AGBL4: variants seen among roughly 807,000 people sequenced by gnomAD.
AGBL4 encodes AGBL carboxypeptidase 4.
In AGBL4, 58 loss-of-function variants were observed where a neutral mutation model predicts 66.4. The ratio of observed to expected loss-of-function variants is 0.87; its 90% confidence interval spans 0.71 to 1.09. The LOEUF (loss-of-function observed/expected upper bound fraction) is 1.09. Ranked by LOEUF, AGBL4 falls within the 50% of genes least tolerant of loss-of-function variation. The pLI is 0.00. For missense variants in AGBL4, 579 were observed against 631.0 expected (o/e 0.92, Z 0.88); for synonymous variants, 234 against 222.9 (o/e 1.05, Z -0.44).
chr1:48,640,664 T>A (rs1645740177), intron 8 of AGBL4, among the ~76,000 whole-genome samples: 1 of 152,128 alleles, frequency 6.6e-6, no homozygotes, highest in Non-Finnish European at 1.5e-5. Flanking sequence ...TGAACCCAGG[T>A]CTTGTTGATG....
At chr1:49,094,559 C>G (rs1469463762) in intron 4 of AGBL4, among the ~76,000 whole-genome samples, 2 of 152,066 alleles carry the variant, frequency 1.3e-5, no homozygotes, top group Non-Finnish European at 2.9e-5. Flanking sequence ...GGTGGATAAG[C>G]TTTTTGATGT....
At chr1:50,001,482 T>C (rs74081130) in intron 1 of AGBL4, among the ~76,000 whole-genome samples, 1 of 145,296 alleles carries the variant, frequency 6.9e-6, no homozygotes, top group Non-Finnish European at 1.5e-5. Flanking sequence ...TGTGTCTATA[T>C]ATACATATAT....
intron 4 of AGBL4, among the ~76,000 whole-genome samples, chr1:49,117,545 T>C (rs542541339): frequency 6.6e-6 from 1 of 152,300 alleles, no homozygotes; most frequent in South Asian, 2.1e-4. Context: ...TGTGGTGTTA[T>C]TTCTGAGGCC....
chr1:49,029,851 T>C (rs1664062247), intron 5 of AGBL4, among the ~76,000 whole-genome samples: 1 of 152,148 alleles, frequency 6.6e-6, no homozygotes, highest in Admixed American at 6.6e-5. Context: ...AGAATGTAAC[T>C]GAAAGTCCAG....
intron 3 of AGBL4, among the ~76,000 whole-genome samples, chr1:49,556,251 C>G (rs972254896): frequency 2.0e-5 from 3 of 151,908 alleles, no homozygotes; most frequent in African/African-American, 7.3e-5. Flanking sequence ...AAGCTGGAAA[C>G]CATCATTCTC....
intron 1 of AGBL4, among the ~76,000 whole-genome samples, chr1:49,859,485 T>C (rs1480196177): frequency 6.6e-6 from 1 of 152,174 alleles, no homozygotes; most frequent in Non-Finnish European, 1.5e-5. Context: ...AAAATCTATA[T>C]GATCATCTCA....
intron 3 of AGBL4, among the ~76,000 whole-genome samples, chr1:49,447,944 C>T (rs1181915037): frequency 6.6e-6 from 1 of 152,018 alleles, no homozygotes; most frequent in Non-Finnish European, 1.5e-5. Flanking sequence ...CCATCTTGAA[C>T]TGTGATCTAG....
At chr1:48,575,542 C>T (rs1345051086) in intron 11 of AGBL4, among the ~76,000 whole-genome samples, 3 of 152,156 alleles carry the variant, frequency 2.0e-5, no homozygotes, top group African/African-American at 7.2e-5. Context: ...TTCCCATAGC[C>T]TTCTCCGGCC....
chr1:49,100,363 G>A (rs539845916), intron 4 of AGBL4, among the ~76,000 whole-genome samples: 4 of 152,134 alleles, frequency 2.6e-5, no homozygotes, highest in Admixed American at 1.3e-4. Context: ...GTACCTCTCC[G>A]TATATGAAGC....
chr1:48,852,687 G>A (rs1471371935), intron 6 of AGBL4, among the ~76,000 whole-genome samples: 3 of 152,200 alleles, frequency 2.0e-5, no homozygotes, highest in African/African-American at 7.2e-5. Context: ...GTTAGGATAG[G>A]AAGGTGTAGA....
At chr1:49,999,761 T>C (rs1660616185) in intron 1 of AGBL4, among the ~76,000 whole-genome samples, 1 of 151,880 alleles carries the variant, frequency 6.6e-6, no homozygotes, top group African/African-American at 2.4e-5. Flanking sequence ...AACCCAGAAA[T>C]AAATCCATAT....
chr1:49,323,239 A>G (rs913822649), intron 3 of AGBL4, among the ~76,000 whole-genome samples: 2 of 151,972 alleles, frequency 1.3e-5, no homozygotes, highest in African/African-American at 4.8e-5. Context: ...CACACACCCT[A>G]TGTTCTAGAG....
At chr1:49,614,639 G>A (rs1645217656) in intron 3 of AGBL4, among the ~76,000 whole-genome samples, 1 of 152,054 alleles carries the variant, frequency 6.6e-6, no homozygotes, top group Non-Finnish European at 1.5e-5. Flanking sequence ...TCCAAAAGCA[G>A]TTGTACCAAT....
intron 1 of AGBL4, among the ~76,000 whole-genome samples, chr1:49,890,638 GC>G (rs1445892915): frequency 2.0e-5 from 3 of 152,062 alleles, no homozygotes; most frequent in African/African-American, 7.2e-5. Context: ...AGTCTCCCTT[GC>G]ATTTAGATAA....
intron 3 of AGBL4, among the ~76,000 whole-genome samples, chr1:49,286,431 T>G (rs1644411663): frequency 6.6e-6 from 1 of 152,092 alleles, no homozygotes; most frequent in Non-Finnish European, 1.5e-5. Context: ...TGTCCCTGTT[T>G]GCAGATGACA....
chr1:48,673,947 C>A (rs887467997), intron 6 of AGBL4, among the ~76,000 whole-genome samples: 1 of 152,212 alleles, frequency 6.6e-6, no homozygotes, highest in South Asian at 2.1e-4. Context: ...CCTTCCTCCC[C>A]TGTAGCCCAT....
intron 6 of AGBL4, among the ~76,000 whole-genome samples, chr1:48,790,276 C>T (rs1471346318): frequency 6.6e-6 from 1 of 152,054 alleles, no homozygotes; most frequent in Admixed American, 6.6e-5. Flanking sequence ...TCGGTCATGC[C>T]AGAGAGTGCT....
At chr1:48,529,416 T>C (rs1236009656), downstream of AGBL4, among the ~76,000 whole-genome samples, 1 of 152,070 alleles carries the variant, frequency 6.6e-6, no homozygotes, top group Non-Finnish European at 1.5e-5. Flanking sequence ...ACCATAAATA[T>C]AGGAAGTAGA....
At chr1:48,776,818 A>G (rs1160016693) in intron 6 of AGBL4, 2 of 1,515,568 alleles carry the variant, frequency 1.3e-6, no homozygotes, top group African/African-American at 2.9e-5. Context: ...CAGGAACCGC[A>G]CAAAGGCGTA....
Sources: allele counts gnomAD v4.1 joint callset (sites outside exome capture counted in the v4.1 genomes callset), GRCh38; gene constraint gnomAD v4.1.1; transcripts MANE v1.5; gene names NCBI Gene and HGNC (gene_info 2026-07-23, HGNC 2026-07-21).